DLGAP1: variants seen among roughly 807,000 people sequenced by gnomAD.
DLGAP1 encodes the protein disks large-associated protein 1.
A neutral mutation model predicts 90.8 loss-of-function variants in DLGAP1; 11 were observed. The observed-to-expected ratio is 0.12, with a 90% confidence interval of 0.08 to 0.20. DLGAP1 has a LOEUF of 0.20. DLGAP1 is among the 10% of genes least tolerant of loss of function. The probability of loss-of-function intolerance (pLI) is 1.00; values close to 1 mark genes in which losing one functional copy is unlikely to be tolerated. For synonymous variants in DLGAP1, 558 were observed against 540.7 expected (o/e 1.03, Z -0.44); for missense variants, 1,050 against 1,333.8 (o/e 0.79, Z 3.31).
At chr18:4,414,662 G>A (rs1459044877) in intron 1 of DLGAP1, among the ~76,000 whole-genome samples, 1 of 151,206 alleles carries the variant, frequency 6.6e-6, no homozygotes, top group Admixed American at 6.6e-5. Flanking sequence ...GAAGGCAGAG[G>A]CTGCAGTGAG....
At chr18:4,437,622 T>C (rs2083433640) in intron 1 of DLGAP1, among the ~76,000 whole-genome samples, 1 of 152,220 alleles carries the variant, frequency 6.6e-6, no homozygotes, top group African/African-American at 2.4e-5. Flanking sequence ...TTTCCATTTG[T>C]GGATGGCTGA....
At chr18:4,181,638 C>A (rs570388448) in intron 1 of DLGAP1, among the ~76,000 whole-genome samples, 1 of 152,056 alleles carries the variant, frequency 6.6e-6, no homozygotes, top group East Asian at 1.9e-4. Context: ...TATATCTGGA[C>A]GACAATCAAC....
At chr18:4,004,202 G>A (rs766428119) in intron 3 of DLGAP1, among the ~76,000 whole-genome samples, 1 of 152,170 alleles carries the variant, frequency 6.6e-6, no homozygotes, top group Non-Finnish European at 1.5e-5. Flanking sequence ...TGTGGATGAT[G>A]TATCTTCCAT....
intron 1 of DLGAP1, among the ~76,000 whole-genome samples, chr18:4,163,385 T>C (rs1415241779): frequency 6.6e-6 from 1 of 152,248 alleles, no homozygotes; most frequent in Non-Finnish European, 1.5e-5. Context: ...CTGTACGCAC[T>C]ACTATTCTTT....
At chr18:3,763,939 G>A (rs138768474) in intron 5 of DLGAP1, among the ~76,000 whole-genome samples, 3 of 152,296 alleles carry the variant, frequency 2.0e-5, no homozygotes, top group African/African-American at 7.2e-5. Context: ...TGGGATTACA[G>A]GCGTGCAGCA....
intron 3 of DLGAP1, among the ~76,000 whole-genome samples, chr18:3,911,840 C>G (rs918953134): frequency 2.6e-5 from 4 of 152,210 alleles, no homozygotes; most frequent in African/African-American, 9.6e-5. Flanking sequence ...ATAGGCTCAG[C>G]ATGTGCCAGA....
intron 7 of DLGAP1, among the ~76,000 whole-genome samples, chr18:3,724,588 A>G (rs916602688): frequency 3.3e-5 from 5 of 151,208 alleles, no homozygotes; most frequent in African/African-American, 1.2e-4. Context: ...TACCAAAAAT[A>G]CAAAAAATTA....
intron 2 of DLGAP1, among the ~76,000 whole-genome samples, chr18:4,009,566 G>A (rs2074377065): frequency 6.6e-6 from 1 of 152,226 alleles, no homozygotes; most frequent in Non-Finnish European, 1.5e-5. Context: ...TGAACTTAAA[G>A]TCTCCTGGAG....
In DLGAP1 at chr18:4,023,607, A is replaced by AT. The variant is rs536393879; in HGVS notation, c.-158-18407dup. Among the ~76,000 whole-genome samples the AT allele has an allele frequency of 1.1e-3, 169 of 152,024 alleles. 1 individual carries two copies. The highest frequency in any genetic ancestry group is 2.1e-3 in the South Asian group (10 of 4,810). Reference sequence around the variant, plus strand: ...CAGGCACAAGTGAATCAATAAGCTTATTTTTTTTCAAAATGTTCCAGTTTA... The same window carrying AT: ...CAGGCACAAGTGAATCAATAAGCTTATTTTTTTTTCAAAATGTTCCAGTTTA... On this transcript the variant is annotated intron_variant, in intron 2 of 12. Transcript: ENST00000315677.
intron 7 of DLGAP1, among the ~76,000 whole-genome samples, chr18:3,674,296 A>AAAAAAAAAAAAATATATATATATATAT (rs755076240): frequency 5.4e-5 from 7 of 128,988 alleles, no homozygotes; most frequent in African/African-American, 2.3e-4. Flanking sequence ...ATAATATTAA[A>AAAAAAAAAAAAATATATATATATATAT]ATATATATAT....
Position 3,499,017 on chromosome 18 carries a change from G to A in DLGAP1, c.*168C>T, listed in dbSNP as rs1598938859. 1 of 605,010 alleles carries A rather than the reference G, an allele frequency of 1.7e-6. No individual in the cohort carries two copies. Among genetic ancestry groups the A allele is most frequent in the Non-Finnish European group, 2.8e-6 (1 of 356,918 alleles). The allele number at this position is 605,010 out of a possible 1,614,324, so 37.5% of individuals were successfully genotyped here. A position where few individuals can be genotyped will look rare whatever the true frequency, so the allele number is the denominator to read the frequency against. ...AAACGGGTACGGGAAGTGGGGGGCTGAGGGGGGCCCGGGGGGCGGCTCCTG... is the reference window on the plus strand; with the variant it reads ...AAACGGGTACGGGAAGTGGGGGGCTAAGGGGGGCCCGGGGGGCGGCTCCTG... On this transcript the variant is annotated 3_prime_UTR_variant, in exon 13 of 13. Transcript: ENST00000315677. The surrounding 1 kb of genome is among the most constrained non-coding windows in gnomAD (Gnocchi z 6.4).
At chr18:3,804,636 G>A (rs549518926) in intron 5 of DLGAP1, among the ~76,000 whole-genome samples, 8 of 152,284 alleles carry the variant, frequency 5.3e-5, no homozygotes, top group East Asian at 1.9e-4. Context: ...GAACACAGAC[G>A]CAGTGAAAGG....
intron 1 of DLGAP1, among the ~76,000 whole-genome samples, chr18:4,296,500 T>A (rs1029383296): frequency 6.6e-6 from 1 of 152,226 alleles, no homozygotes; most frequent in African/African-American, 2.4e-5. Flanking sequence ...TATAATTTGT[T>A]GAATTTCTAA....
At chr18:3,514,820 C>G (rs544399366) in intron 10 of DLGAP1, among the ~76,000 whole-genome samples, 1 of 152,134 alleles carries the variant, frequency 6.6e-6, no homozygotes, top group Non-Finnish European at 1.5e-5. Context: ...GGTCTTGCCT[C>G]GATGTGGATG....
At chr18:3,965,871 C>G (rs546393231) in intron 3 of DLGAP1, among the ~76,000 whole-genome samples, 3 of 146,968 alleles carry the variant, frequency 2.0e-5, no homozygotes, top group South Asian at 4.3e-4. Flanking sequence ...TTGCTTGAAC[C>G]CGGGAGGCGG....
At chr18:4,037,192 G>GTT (rs2074902721) in intron 2 of DLGAP1, among the ~76,000 whole-genome samples, 1 of 152,134 alleles carries the variant, frequency 6.6e-6, no homozygotes, top group Admixed American at 6.5e-5. Context: ...TGCATAAGAA[G>GTT]GATAAAGAAC....
At chr18:3,688,883 G>A (rs1256939869) in intron 7 of DLGAP1, among the ~76,000 whole-genome samples, 1 of 151,918 alleles carries the variant, frequency 6.6e-6, no homozygotes, top group Non-Finnish European at 1.5e-5. Flanking sequence ...CTTTACTGTC[G>A]ACTCCACTGC....
At chr18:3,601,157 G>C (rs1568281013) in intron 7 of DLGAP1, among the ~76,000 whole-genome samples, 2 of 151,884 alleles carry the variant, frequency 1.3e-5, no homozygotes, top group East Asian at 3.9e-4. Flanking sequence ...TGTGATCTCA[G>C]CTCACTGCAA....
chr18:3,528,935 T>C (rs1021525530), intron 10 of DLGAP1, among the ~76,000 whole-genome samples: 2 of 152,158 alleles, frequency 1.3e-5, no homozygotes, highest in African/African-American at 4.8e-5. Context: ...ACACACAAGG[T>C]TCATCTGGAC....
Sources: allele counts gnomAD v4.1 joint callset (sites outside exome capture counted in the v4.1 genomes callset), GRCh38; gene constraint gnomAD v4.1.1; non-coding constraint Gnocchi (gnomAD v3.1); transcripts MANE v1.5; gene names NCBI Gene and HGNC (gene_info 2026-07-23, HGNC 2026-07-21).